The following SOX6 variants were observed in gnomAD, a reference collection of about 807,000 sequenced individuals.
SOX6 encodes the protein SRY-box transcription factor 6, also known as transcription factor SOX-6.
SOX6 carries 11 observed loss-of-function variants against 97.8 expected under a neutral mutation model. The ratio of observed to expected loss-of-function variants is 0.11; its 90% CI spans 0.07 to 0.19. SOX6 has a LOEUF of 0.19. Ranked by LOEUF, SOX6 falls within the 10% of genes least tolerant of loss-of-function variation. The pLI is 1.00. For missense variants in SOX6, 810 were observed against 1,039.5 expected (o/e 0.78, Z 3.04); for synonymous variants, 360 against 371.4 (o/e 0.97, Z 0.35).
intron 4 of SOX6, among the ~76,000 whole-genome samples, chr11:16,559,188 A>G (rs1847780864): frequency 6.6e-6 from 1 of 152,082 alleles, no homozygotes. Context: ...TAGGAAAAAA[A>G]ATCTCCTTTA....
chr11:16,403,150 T>A (rs887716612), intron 1 of SOX6, among the ~76,000 whole-genome samples: 1 of 151,546 alleles, frequency 6.6e-6, no homozygotes, highest in African/African-American at 2.4e-5. Context: ...ACAGACAACA[T>A]GATGAGCTAA....
chr11:16,106,442 T>C (rs1849088523), intron 7 of SOX6, among the ~76,000 whole-genome samples: 2 of 151,932 alleles, frequency 1.3e-5, no homozygotes, highest in Non-Finnish European at 2.9e-5. Flanking sequence ...ACATATATAG[T>C]TGATTGATTT....
chr11:16,344,492 C>G (rs1017866930), intron 1 of SOX6, among the ~76,000 whole-genome samples: 1 of 151,900 alleles, frequency 6.6e-6, no homozygotes, highest in Non-Finnish European at 1.5e-5. Context: ...TGGCACTTGA[C>G]TTTTGGTAAT....
chr11:16,159,343 T>C (rs913205024), intron 6 of SOX6, among the ~76,000 whole-genome samples: 1 of 152,134 alleles, frequency 6.6e-6, no homozygotes, highest in African/African-American at 2.4e-5. Flanking sequence ...CTGTTTCTTA[T>C]ATTTCTTATC....
intron 2 of SOX6, among the ~76,000 whole-genome samples, chr11:16,727,332 T>C (rs1472447498): frequency 7.1e-6 from 1 of 140,266 alleles, no homozygotes; most frequent in Non-Finnish European, 1.5e-5. Context: ...CCCATATCAG[T>C]ACCTACAGAG....
At chr11:16,296,830 C>T (rs562731868) in intron 3 of SOX6, among the ~76,000 whole-genome samples, 3 of 152,096 alleles carry the variant, frequency 2.0e-5, no homozygotes. Flanking sequence ...ATTCCACTAT[C>T]ATTACTGGGT....
intron 15 of SOX6, among the ~76,000 whole-genome samples, chr11:15,977,523 C>CT (rs746228851): frequency 3.3e-5 from 5 of 151,896 alleles, no homozygotes; most frequent in Non-Finnish European, 7.4e-5. Flanking sequence ...CCTCTCCCTG[C>CT]TTGTGCCCCC....
chr11:16,118,616 TA>T lies in SOX6; in HGVS notation c.778-6694del, dbSNP rs1849412031. Reference sequence around the variant, plus strand: ...ATTGTTTGTCCCCGAAGACTTGCAGTAAAGATATGACTCTGAATACTTGAGA... The same window carrying T: ...ATTGTTTGTCCCCGAAGACTTGCAGTAAGATATGACTCTGAATACTTGAGA... On this transcript the variant is annotated intron_variant, in intron 6 of 15. Coordinates refer to ENST00000683767, the MANE Select transcript of SOX6 (RefSeq NM_001367873.1). Among the ~76,000 whole-genome samples, 2 of 152,184 alleles carry T rather than the reference TA, an allele frequency of 1.3e-5. 1 individual carries two copies. Among genetic ancestry groups the T allele is most frequent in the Admixed American group, 1.3e-4 (2 of 15,274 alleles).
chr11:16,323,144 GA>G, intron 2 of SOX6, among the ~76,000 whole-genome samples: 1 of 151,850 alleles, frequency 6.6e-6, no homozygotes, highest in South Asian at 2.1e-4. Flanking sequence ...CCAAATAAAG[GA>G]AAAAAGCCAT....
At chr11:15,992,578 T>A (rs1371279819) in intron 13 of SOX6, among the ~76,000 whole-genome samples, 2 of 152,056 alleles carry the variant, frequency 1.3e-5, no homozygotes, top group Non-Finnish European at 2.9e-5. Context: ...ACAAACCAAA[T>A]TTGCATATAA....
intron 4 of SOX6, among the ~76,000 whole-genome samples, chr11:16,537,728 G>A (rs1297384662): frequency 6.6e-6 from 1 of 152,114 alleles, no homozygotes; most frequent in Non-Finnish European, 1.5e-5. Context: ...GCATATCAGT[G>A]ATTGCAGATC....
intron 6 of SOX6, among the ~76,000 whole-genome samples, chr11:16,168,203 T>C (rs1314761796): frequency 6.6e-6 from 1 of 152,146 alleles, no homozygotes; most frequent in East Asian, 1.9e-4. Flanking sequence ...TGATAAGAGG[T>C]ATTTTGAGGT....
chr11:16,692,908 C>A (rs1848026938), intron 3 of SOX6, among the ~76,000 whole-genome samples: 1 of 152,184 alleles, frequency 6.6e-6, no homozygotes, highest in South Asian at 2.1e-4. Context: ...ATGCATTACA[C>A]TGAATCATAT....
intron 12 of SOX6, among the ~76,000 whole-genome samples, chr11:16,024,976 T>C (rs1224352890): frequency 6.6e-6 from 1 of 152,102 alleles, no homozygotes; most frequent in East Asian, 1.9e-4. Context: ...TCACTGACCA[T>C]CAGATGATAA....
At chr11:16,535,202 A>G (rs1303796516) in intron 4 of SOX6, among the ~76,000 whole-genome samples, 2 of 152,190 alleles carry the variant, frequency 1.3e-5, no homozygotes, top group African/African-American at 4.8e-5. Context: ...GAAAATATCT[A>G]CTACATGATG....
intron 9 of SOX6, among the ~76,000 whole-genome samples, chr11:16,067,572 C>G (rs1590173543): frequency 6.6e-6 from 1 of 152,062 alleles, no homozygotes; most frequent in East Asian, 1.9e-4. Context: ...TATAAATTAC[C>G]CAGTCTCTGG....
At chr11:16,560,468 TAC>T (rs1847797844) in intron 4 of SOX6, among the ~76,000 whole-genome samples, 1 of 150,526 alleles carries the variant, frequency 6.6e-6, no homozygotes, top group African/African-American at 2.5e-5. Flanking sequence ...TATATGTTTA[TAC>T]GTACATATAT....
chr11:16,095,668 A>T (rs898309157), intron 9 of SOX6, among the ~76,000 whole-genome samples: 17 of 151,820 alleles, frequency 1.1e-4, no homozygotes, highest in Admixed American at 2.6e-4. Flanking sequence ...AGTATTTTTT[A>T]AAAAATACTA....
intron 4 of SOX6, among the ~76,000 whole-genome samples, chr11:16,525,769 C>T (rs935309589): frequency 3.9e-5 from 6 of 152,008 alleles, no homozygotes; most frequent in African/African-American, 9.7e-5. Context: ...CTACAATGAA[C>T]TCAAACAAAT....
Sources: allele counts gnomAD v4.1 joint callset (sites outside exome capture counted in the v4.1 genomes callset), GRCh38; gene constraint gnomAD v4.1.1; transcripts MANE v1.5; gene names NCBI Gene and HGNC (gene_info 2026-07-23, HGNC 2026-07-21).